NOTCH1: variants seen among roughly 807,000 people sequenced by gnomAD.
The protein encoded by NOTCH1 is notch receptor 1.
NOTCH1 carries 37 observed loss-of-function variants against 254.8 expected under a neutral mutation model. That is an observed-to-expected ratio of 0.15 (90% confidence interval 0.11 to 0.19). The LOEUF (loss-of-function observed/expected upper bound fraction) is 0.19, where lower values mean the gene tolerates loss of function less well. Among genes scored for constraint, NOTCH1 ranks in the 10% least tolerant of loss-of-function variants. The pLI is 1.00. For synonymous variants in NOTCH1, 1,731 were observed against 1,618.1 expected, an observed-to-expected ratio of 1.07 and a Z score of -1.68; for missense variants, 2,972 against 3,708.6, an observed-to-expected ratio of 0.80 and a Z score of 5.16.
In NOTCH1 at chr9:136,496,042, G is replaced by C; in HGVS notation, c.*29C>G. 1.9e-6 allele frequency: 3 copies of C among 1,583,818 alleles called. No homozygotes were observed. Among genetic ancestry groups the C allele is most frequent in the Admixed American group, 1.8e-5 (1 of 56,860 alleles). On this transcript the variant is annotated 3_prime_UTR_variant, in exon 34 of 34. Coordinates refer to ENST00000651671, the MANE Select transcript of NOTCH1 (RefSeq NM_017617.5). The stretch of plus-strand genomic sequence containing the variant: ...CACAGACGCCCGAAGGCTTGGGAAA[G>C]GAAGCCGGGGTCTCGTGGGGCGCGC...
rs1460297840 is a variant in NOTCH1, at chr9:136,505,469, C to T, written c.4427G>A (p.Gly1476Asp). Residue 1476 changes from glycine (G) to aspartate (D), a missense_variant, in exon 25 of 34, where the codon GGC becomes GAC. Physicochemically the swap from Gly to Asp is moderately conservative, Grantham distance 94 (BLOSUM62 -1). Transcript: ENST00000651671. ...ATTGAAGTTGAGGGAGCAGTCACCG[C>T]CGTCCCAGCCGCACGCGTGGTTGTT... ...QCNNHACGWD[G>D]GDCSLNFNDP... 1.2e-6 allele frequency: 2 copies of T among 1,612,874 alleles called. No individual in the cohort carries two copies. The highest frequency in any genetic ancestry group is 8.5e-7 in the Non-Finnish European group (1 of 1,180,018).
Position 136,501,735 on chromosome 9 carries a change from C to A in NOTCH1, c.5638+13G>T. ...CACGGGGCTAGGGAAGCCCTGGCTG[C>A]TGGCACCCTTACCAGGCCCGCGGAC... is the stretch of plus-strand genomic sequence containing the variant. On this transcript the variant is annotated intron_variant, in intron 30 of 33. Coordinates refer to ENST00000651671, the MANE Select transcript of NOTCH1 (RefSeq NM_017617.5). 3 of 1,610,208 alleles carry A rather than the reference C, an allele frequency of 1.9e-6. No individual in the cohort carries two copies. The highest frequency in any genetic ancestry group is 2.5e-6 in the Non-Finnish European group (3 of 1,179,694).
rs570962068 is a variant in NOTCH1 at position 136,523,037 on chromosome 9, C to T, written c.555G>A (p.Lys185=). The T allele has an allele frequency of 5.8e-6, 9 of 1,555,058 alleles. No individual in the cohort carries two copies. In the South Asian group the frequency reaches 8.3e-5, roughly 14 times the overall value. Residue 185 remains lysine, a synonymous_variant, in exon 4 of 34, where the codon AAG becomes AAA. Transcript: ENST00000651671. ...TGCCTCCGTGGCGGCAAAGCCCGGG[C>T]TTCTGGCCACACTCGTTGACATCCT... ...CRQDVNECGQ[K]PGLCRHGGTC... is the part of the protein sequence containing the mutation.
chr9:136,510,033 C>T, intron 17 of NOTCH1, 72 bp from the exon 18 acceptor site: 1 of 1,430,314 alleles, frequency 7.0e-7, no homozygotes, highest in Non-Finnish European at 9.7e-7. Flanking sequence ...GCCGGGAAGG[C>T]TGCATGGCTG....
chr9:136,535,672 C>T (rs55786239), intron 2 of NOTCH1, among the ~76,000 whole-genome samples: 1 of 6,278 alleles, frequency 1.6e-4, no homozygotes, highest in Non-Finnish European at 2.7e-4. Flanking sequence ...CAGGGTGGGT[C>T]GGGGGGAGCA....
intron 15 of NOTCH1, 103 bp downstream of exon 15, chr9:136,512,918 T>TG: frequency 4.8e-5 from 4 of 83,322 alleles, no homozygotes; most frequent in South Asian, 7.5e-5. Context: ...CCCCCACCCC[T>TG]GGCCCCACCC....
chr9:136,517,606 A>T, intron 8 of NOTCH1, 146 bp downstream of exon 8: 2 of 1,098,820 alleles, frequency 1.8e-6, no homozygotes, highest in Non-Finnish European at 2.6e-6. Flanking sequence ...GCCTGGCCTC[A>T]GTTTCCCCAT....
chr9:136,533,221 A>G (rs1310399907), intron 2 of NOTCH1, among the ~76,000 whole-genome samples: 2 of 112,674 alleles, frequency 1.8e-5, no homozygotes, highest in Non-Finnish European at 3.5e-5. Context: ...GCTGGGACCA[A>G]CCCAGGTCCC....
Position 136,513,540 on chromosome 9 carries a change from G to A in NOTCH1, c.2208-3C>T, listed in dbSNP as rs1699995281. 3.7e-6 allele frequency: 6 copies of A among 1,612,778 alleles called. No homozygotes were observed. Among genetic ancestry groups the A allele is most frequent in the Non-Finnish European group, 5.1e-6 (6 of 1,179,968 alleles). On this transcript the variant is annotated splice_polypyrimidine_tract_variant and splice_region_variant and intron_variant, in intron 13 of 33. Coordinates refer to ENST00000651671, the MANE Select transcript of NOTCH1 (RefSeq NM_017617.5). The surrounding 1 kb of genome is among the most constrained non-coding windows in gnomAD (Gnocchi z 4.7). ...CAGGGTCACAGTCGCACTTGTACCT[G>A]CAAGGGGGACCACACTGCAGGTCGA... is the stretch of plus-strand genomic sequence containing the variant.
At chr9:136,518,433 GT>G in intron 6 of NOTCH1, 141 bp from the exon 7 acceptor site, 1 of 1,210,990 alleles carries the variant, frequency 8.3e-7, no homozygotes, top group Admixed American at 2.0e-5. Flanking sequence ...CACTTGGGAC[GT>G]TCCGGGGGAC....
At chr9:136,501,344 G>T (rs1249947855) in intron 30 of NOTCH1, among the ~76,000 whole-genome samples, 1 of 151,682 alleles carries the variant, frequency 6.6e-6, no homozygotes, top group South Asian at 2.1e-4. Flanking sequence ...TGAGGCAGGA[G>T]AATTGCTTGA....
At chr9:136,530,138 C>T (rs1270366522) in intron 2 of NOTCH1, among the ~76,000 whole-genome samples, 8 of 152,006 alleles carry the variant, frequency 5.3e-5, no homozygotes, top group Admixed American at 6.6e-5. Context: ...TTGGGTGGGG[C>T]GGGGGTCGCG....
At chr9:136,543,145 G>A (rs533433636) in intron 2 of NOTCH1, 19 of 159,306 alleles carry the variant, frequency 1.2e-4, no homozygotes, top group Admixed American at 2.6e-4. Flanking sequence ...GCCTGAGGCC[G>A]GGAAGAGGGA....
At chr9:136,537,199 C>T (rs1260320860) in intron 2 of NOTCH1, among the ~76,000 whole-genome samples, 1 of 152,250 alleles carries the variant, frequency 6.6e-6, no homozygotes, top group Non-Finnish European at 1.5e-5. Flanking sequence ...CAACACCTGC[C>T]TCCTCTGGAC....
In NOTCH1 at chr9:136,518,737, C is replaced by T. The variant is rs2133371264; in HGVS notation, c.953G>A (p.Gly318Asp). ...GCCGTTGACACACACGCAGTTGTAG[C>T]CACCGTGGGTGTTGTGGCAGGTCCC... Reference protein sequence around the residue: ...NGGTCHNTHGGYNCVCVNGWT... With the variant: ...NGGTCHNTHGDYNCVCVNGWT... The change falls in exon 6 of 34, where the codon GGC becomes GAC. Residue 318 changes from glycine to aspartate, a missense_variant. This residue lies in a region of NOTCH1 where 374 missense variants were observed against 496.3 expected (regional missense o/e 0.75). Coordinates refer to ENST00000651671, the MANE Select transcript of NOTCH1 (RefSeq NM_017617.5). 4 of 1,612,924 alleles carry T rather than the reference C, an allele frequency of 2.5e-6. No individual in the cohort carries two copies. The highest frequency in any genetic ancestry group is 3.4e-6 in the Non-Finnish European group (4 of 1,180,002).
At chr9:136,502,133 G>C in intron 28 of NOTCH1, 45 bp from the exon 29 acceptor site, 1 of 1,609,190 alleles carries the variant, frequency 6.2e-7, no homozygotes, top group Non-Finnish European at 8.5e-7. Context: ...GAGCTCCCTA[G>C]GAAGCCCCCA....
In NOTCH1 at chr9:136,513,278, A is replaced by T; in HGVS notation, c.2353+114T>A. On this transcript the variant is annotated intron_variant, in intron 14 of 33. Coordinates refer to ENST00000651671, the MANE Select transcript of NOTCH1 (RefSeq NM_017617.5). This position sits in a 1 kb window ranked among gnomAD's most constrained non-coding sequence, Gnocchi z 4.7. ...AGAGGCCTGGAGCTAAGGCTTTGCC[A>T]CGGGAGGGAGACACCATGCATGGTG... 1 of 1,542,608 alleles carries T rather than the reference A, an allele frequency of 6.5e-7. No individual in the cohort carries two copies. Among genetic ancestry groups the T allele is most frequent in the Non-Finnish European group, 8.9e-7 (1 of 1,124,070 alleles).
At chr9:136,522,143 A>G (rs1843378041) in intron 4 of NOTCH1, among the ~76,000 whole-genome samples, 1 of 151,602 alleles carries the variant, frequency 6.6e-6, no homozygotes. Context: ...ATGCCTGGCT[A>G]ATTTTTTGTA....
chr9:136,532,180 G>A (rs1237601177), intron 2 of NOTCH1, among the ~76,000 whole-genome samples: 2 of 152,184 alleles, frequency 1.3e-5, no homozygotes, highest in Non-Finnish European at 2.9e-5. Flanking sequence ...CACAACCTGG[G>A]GGACACCAGG....
Sources: allele counts gnomAD v4.1 joint callset (sites outside exome capture counted in the v4.1 genomes callset), GRCh38; gene constraint gnomAD v4.1.1; regional missense constraint gnomAD v4.1.1; non-coding constraint Gnocchi (gnomAD v3.1); transcripts MANE v1.5; gene names NCBI Gene and HGNC (gene_info 2026-07-23, HGNC 2026-07-21).